Variants in PWP1 observed in about 807,000 individuals in gnomAD.
PWP1 encodes the protein PWP1 homolog, endonuclein, also known as periodic tryptophan protein 1 homolog.
In PWP1, 47 loss-of-function variants were observed where a neutral mutation model predicts 69.9. That is an observed-to-expected ratio of 0.67 (90% confidence interval 0.53 to 0.86). The LOEUF is 0.86. Ranked by LOEUF, PWP1 falls within the 40% of genes least tolerant of loss-of-function variation. The pLI is 0.00. For missense variants in PWP1, 551 were observed against 608.8 expected, an observed-to-expected ratio of 0.91 and a Z score of 1.00; for synonymous variants, 222 against 208.2, an observed-to-expected ratio of 1.07 and a Z score of -0.57.
rs767542936 is a variant in PWP1 at position 107,703,670 on chromosome 12, G to T, written c.904-15G>T. 6 of 1,588,902 alleles carry T rather than the reference G, an allele frequency of 3.8e-6. No individual in the cohort carries two copies. Among genetic ancestry groups the T allele is most frequent in the Admixed American group, 1.7e-5 (1 of 59,884 alleles). Reference sequence around the variant, plus strand: ...AACCAACAGAGATCTCTGCATTTATGTTTCCTCCCTTTAGGTCCAAACACT... The same window carrying T: ...AACCAACAGAGATCTCTGCATTTATTTTTCCTCCCTTTAGGTCCAAACACT... On this transcript the variant is annotated splice_polypyrimidine_tract_variant and intron_variant, in intron 9 of 14. Coordinates refer to ENST00000412830, the MANE Select transcript of PWP1 (RefSeq NM_007062.3).
chr12:107,712,471 C>A lies in PWP1; in HGVS notation c.*251C>A, dbSNP rs574680426. 3 of 309,012 alleles carry A rather than the reference C, an allele frequency of 9.7e-6. No individual in the cohort carries two copies. The highest frequency in any genetic ancestry group is 1.8e-5 in the Non-Finnish European group (3 of 167,176). The allele number at this position is 309,012 out of a possible 1,614,324, so 19.1% of individuals were successfully genotyped here. A position where few individuals can be genotyped will look rare whatever the true frequency, so the allele number is the denominator to read the frequency against. ...TAAAAAGGATTTTTAAAAAGTAATTCCTTAAACATACCATCTGTCACAGTT... is the reference window on the plus strand; with the variant it reads ...TAAAAAGGATTTTTAAAAAGTAATTACTTAAACATACCATCTGTCACAGTT... On this transcript the variant is annotated 3_prime_UTR_variant, in exon 15 of 15. Coordinates refer to ENST00000412830, the MANE Select transcript of PWP1 (RefSeq NM_007062.3).
At chr12:107,705,838 T>C (rs1889812742) in intron 11 of PWP1, among the ~76,000 whole-genome samples, 1 of 151,978 alleles carries the variant, frequency 6.6e-6, no homozygotes, top group South Asian at 2.1e-4. Context: ...ATGCACTATA[T>C]GTATGTGCAC....
intron 8 of PWP1, among the ~76,000 whole-genome samples, chr12:107,701,178 G>A (rs1401337657): frequency 6.6e-6 from 1 of 152,140 alleles, no homozygotes; most frequent in Non-Finnish European, 1.5e-5. Context: ...CCAGGCTGGA[G>A]TGCAGTGGCA....
At chr12:107,692,737 A>C (rs1889503025) in intron 3 of PWP1, 77 bp from the exon 4 acceptor site, 1 of 1,261,798 alleles carries the variant, frequency 7.9e-7, no homozygotes, top group East Asian at 2.4e-5. Flanking sequence ...ATCTAAGTCC[A>C]AGAATGGATG....
intron 8 of PWP1, among the ~76,000 whole-genome samples, chr12:107,701,687 T>C (rs1169805675): frequency 1.3e-5 from 2 of 151,804 alleles, no homozygotes; most frequent in Non-Finnish European, 2.9e-5. Context: ...CATTTGTTTT[T>C]GTTTTGTGTG....
At chr12:107,698,884 AC>A (rs1566079619) in intron 7 of PWP1, among the ~76,000 whole-genome samples, 2 of 152,204 alleles carry the variant, frequency 1.3e-5, no homozygotes, top group African/African-American at 4.8e-5. Flanking sequence ...GGGCCGCTGC[AC>A]CCAGCCCCTG....
chr12:107,690,018 G>A (rs566346040), intron 3 of PWP1, among the ~76,000 whole-genome samples: 2 of 152,314 alleles, frequency 1.3e-5, no homozygotes, highest in East Asian at 3.9e-4. Context: ...AGCAGGTTAA[G>A]TAAGTTATTT....
intron 10 of PWP1, among the ~76,000 whole-genome samples, 155 bp from the exon 11 acceptor site, chr12:107,704,481 A>G (rs1889773260): frequency 6.6e-6 from 1 of 152,104 alleles, no homozygotes; most frequent in Non-Finnish European, 1.5e-5. Flanking sequence ...AATTACTGAA[A>G]CTCAGCTCAT....
intron 11 of PWP1, among the ~76,000 whole-genome samples, chr12:107,707,444 G>A (rs1889845370): frequency 6.6e-6 from 1 of 152,208 alleles, no homozygotes; most frequent in Non-Finnish European, 1.5e-5. Flanking sequence ...TTGAATAGGA[G>A]TGGTGAGAGA....
intron 3 of PWP1, among the ~76,000 whole-genome samples, chr12:107,692,167 C>G (rs1889493700): frequency 6.6e-6 from 1 of 152,164 alleles, no homozygotes; most frequent in African/African-American, 2.4e-5. Context: ...ATGTTTAAGA[C>G]CTATCAGTCC....
chr12:107,701,696 T>G (rs1352679355), intron 8 of PWP1, among the ~76,000 whole-genome samples: 10 of 152,186 alleles, frequency 6.6e-5, no homozygotes, highest in Non-Finnish European at 4.4e-5. Context: ...TTGTTTTGTG[T>G]GAGACAGGGT....
intron 11 of PWP1, among the ~76,000 whole-genome samples, chr12:107,706,147 A>G (rs1889819561): frequency 6.6e-6 from 1 of 152,220 alleles, no homozygotes. Flanking sequence ...TCTGATGGCC[A>G]GTGATGATGA....
chr12:107,695,130 G>A (rs1331535279), intron 5 of PWP1, among the ~76,000 whole-genome samples: 3 of 151,600 alleles, frequency 2.0e-5, no homozygotes, highest in African/African-American at 7.3e-5. Context: ...GCCAGGCGTG[G>A]TGGCGGGCGC....
At chr12:107,693,335 G>A (rs529795493) in intron 5 of PWP1, among the ~76,000 whole-genome samples, 1 of 151,942 alleles carries the variant, frequency 6.6e-6, no homozygotes, top group East Asian at 1.9e-4. Flanking sequence ...TTTTTCATAG[G>A]GGTGTTTTTT....
intron 8 of PWP1, among the ~76,000 whole-genome samples, chr12:107,701,341 C>T (rs1010722148): frequency 6.6e-6 from 1 of 152,062 alleles, no homozygotes; most frequent in Admixed American, 6.6e-5. Flanking sequence ...GGAGTTAAAA[C>T]TAACTCCTAC....
intron 6 of PWP1, 67 bp from the exon 7 acceptor site, chr12:107,697,400 T>C (rs1593144535): frequency 1.4e-6 from 2 of 1,465,182 alleles, no homozygotes; most frequent in Non-Finnish European, 9.1e-7. Flanking sequence ...TACAGTATAA[T>C]GTATTTGATT....
At chr12:107,694,568 T>C (rs1413568799) in intron 5 of PWP1, among the ~76,000 whole-genome samples, 2 of 152,250 alleles carry the variant, frequency 1.3e-5, no homozygotes, top group African/African-American at 4.8e-5. Flanking sequence ...CACTTTAATG[T>C]GAAATTATTC....
chr12:107,697,650 G>T, intron 7 of PWP1, 53 bp downstream of exon 7: 1 of 1,531,828 alleles, frequency 6.5e-7, no homozygotes, highest in Middle Eastern at 1.7e-4. Context: ...AGTTTACTCG[G>T]GAGTAGGGGT....
In PWP1 at chr12:107,712,590, CTGT is replaced by C. The variant is rs1889979073; in HGVS notation, c.*372_*374del. ...ATAGGTAAACCTAGGCCTGGAAAGGCTGTTATTTGGCTAAAATTGCACAGGAGG... is the reference window on the plus strand; with the variant it reads ...ATAGGTAAACCTAGGCCTGGAAAGGCTATTTGGCTAAAATTGCACAGGAGG... On this transcript the variant is annotated 3_prime_UTR_variant, in exon 15 of 15. Transcript: ENST00000412830. 2 of 162,812 alleles carry C rather than the reference CTGT, an allele frequency of 1.2e-5. No individual in the cohort carries two copies. The highest frequency in any genetic ancestry group is 2.7e-5 in the Non-Finnish European group (2 of 74,744). The allele number at this position is 162,812 out of a possible 1,614,324, so 10.1% of individuals were successfully genotyped here.
Sources: allele counts gnomAD v4.1 joint callset (sites outside exome capture counted in the v4.1 genomes callset), GRCh38; gene constraint gnomAD v4.1.1; transcripts MANE v1.5; gene names NCBI Gene and HGNC (gene_info 2026-07-23, HGNC 2026-07-21).